SPAG1: variants seen among roughly 807,000 people sequenced by gnomAD.
SPAG1 encodes the protein sperm-associated antigen 1.
In SPAG1, 69 loss-of-function variants were observed where a neutral mutation model predicts 100.5. The ratio of observed to expected loss-of-function variants is 0.69; its 90% confidence interval spans 0.57 to 0.84. SPAG1 has a LOEUF of 0.84. Among genes scored for constraint, SPAG1 ranks in the 40% least tolerant of loss-of-function variants. SPAG1 has a pLI of 0.00. For synonymous variants in SPAG1, 336 were observed against 411.6 expected (o/e 0.82, Z 2.22); for missense variants, 955 against 1,133.1 (o/e 0.84, Z 2.26).
intron 12 of SPAG1, among the ~76,000 whole-genome samples, chr8:100,217,191 T>G (rs753808598): frequency 6.6e-6 from 1 of 152,082 alleles, no homozygotes; most frequent in African/African-American, 2.4e-5. Flanking sequence ...TCCACCTGGT[T>G]TGGCCTCCCA....
rs1363452918 is a variant in SPAG1 at position 100,196,696 on chromosome 8, A to G, written c.1096+2428A>G. ...AGGTTTTTCATTTTGTAGAAGTACA[A>G]TTTATCCAGTTTTTTTAATGGACTG... On this transcript the variant is annotated intron_variant, in intron 10 of 18. Transcript: ENST00000388798. 2.0e-5 allele frequency among the ~76,000 whole-genome samples: 3 copies of G among 152,020 alleles called. No individual in the cohort carries two copies. In the East Asian group the frequency reaches 5.8e-4, roughly 29 times the overall value.
intron 9 of SPAG1, among the ~76,000 whole-genome samples, chr8:100,192,109 T>C (rs2453661): frequency 0.33 from 50,085 of 151,938 alleles, 8,824 homozygotes; most frequent in East Asian, 0.51. Flanking sequence ...AGGGGTGACA[T>C]AGAGTGGCCC....
At chr8:100,228,475 G>A (rs1406344794) in intron 14 of SPAG1, among the ~76,000 whole-genome samples, 1 of 151,924 alleles carries the variant, frequency 6.6e-6, no homozygotes, top group Non-Finnish European at 1.5e-5. Context: ...CACTTTTGGA[G>A]GCTGAGGTGG....
intron 2 of SPAG1, among the ~76,000 whole-genome samples, chr8:100,163,794 C>CT (rs1169321974): frequency 2.0e-5 from 3 of 151,930 alleles, no homozygotes; most frequent in Non-Finnish European, 4.4e-5. Context: ...ATTGTTTTCC[C>CT]TTTTTTAGCA....
chr8:100,226,753 G>A (rs1213007091), intron 14 of SPAG1, among the ~76,000 whole-genome samples: 1 of 152,032 alleles, frequency 6.6e-6, no homozygotes, highest in Non-Finnish European at 1.5e-5. Flanking sequence ...CCCTGTATGT[G>A]ATGAGGCTAA....
intron 16 of SPAG1, among the ~76,000 whole-genome samples, chr8:100,238,020 A>C (rs370368685): frequency 3.3e-5 from 5 of 152,292 alleles, no homozygotes; most frequent in African/African-American, 1.2e-4. Context: ...ATAGAAGTTA[A>C]TATTTGTAGG....
At chr8:100,184,332 C>T (rs1816495000) in intron 6 of SPAG1, among the ~76,000 whole-genome samples, 1 of 151,738 alleles carries the variant, frequency 6.6e-6, no homozygotes, top group Non-Finnish European at 1.5e-5. Flanking sequence ...CTTTTTCCTC[C>T]AAATTCCTAA....
chr8:100,158,145 C>T (rs1475931340), upstream of SPAG1: 7 of 152,304 alleles, frequency 4.6e-5, no homozygotes, highest in African/African-American at 1.4e-4. Context: ...ACCTGCCGGC[C>T]GGGAATATAG....
intron 2 of SPAG1, among the ~76,000 whole-genome samples, chr8:100,164,644 C>T (rs1240537741): frequency 5.9e-5 from 9 of 152,098 alleles, no homozygotes; most frequent in Non-Finnish European, 1.0e-4. Context: ...AGGCTGTTCT[C>T]GAACACCTGA....
intron 13 of SPAG1, among the ~76,000 whole-genome samples, chr8:100,220,643 C>T (rs770893939): frequency 3.9e-5 from 6 of 152,076 alleles, no homozygotes; most frequent in Non-Finnish European, 7.3e-5. Flanking sequence ...CCTCTAATGC[C>T]TTTGTATTTG....
At chr8:100,171,921 G>A (rs1815873354) in intron 3 of SPAG1, among the ~76,000 whole-genome samples, 1 of 151,596 alleles carries the variant, frequency 6.6e-6, no homozygotes, top group Non-Finnish European at 1.5e-5. Context: ...CTGAGACGGA[G>A]TCTCGCTCTA....
chr8:100,219,341 A>G (rs994630698), intron 12 of SPAG1, among the ~76,000 whole-genome samples: 2 of 152,352 alleles, frequency 1.3e-5, no homozygotes, highest in Admixed American at 6.5e-5. Flanking sequence ...ACCATCTTCA[A>G]TGTGGACAGT....
chr8:100,218,476 T>A (rs1226107211), intron 12 of SPAG1, among the ~76,000 whole-genome samples: 2 of 152,198 alleles, frequency 1.3e-5, no homozygotes, highest in African/African-American at 4.8e-5. Flanking sequence ...GAGTTAATAT[T>A]ACCTAAACAT....
At chr8:100,212,333 T>G (rs913498659) in intron 10 of SPAG1, among the ~76,000 whole-genome samples, 4 of 152,246 alleles carry the variant, frequency 2.6e-5, no homozygotes. Context: ...TCTCTATATT[T>G]AAGTACTTTT....
chr8:100,170,841 A>ATTTTTTTT (rs1335427712), intron 3 of SPAG1, among the ~76,000 whole-genome samples: 1 of 90,972 alleles, frequency 1.1e-5, no homozygotes, highest in African/African-American at 3.7e-5. Context: ...TTATTTATTT[A>ATTTTTTTT]TTTATTTATT....
Position 100,213,388 on chromosome 8 carries a change from C to A in SPAG1, c.1395C>A (p.Ala465=). Residue 465 remains alanine (A), a synonymous_variant, in exon 11 of 19, where the codon GCC becomes GCA. Coordinates refer to ENST00000388798, the MANE Select transcript of SPAG1 (RefSeq NM_003114.5). ...GAAGCGGGCAGTTCGCCGAGGCGGC[C>A]GGCAAGTACTCGGCGGCAATCGCGC... ...LFRSGQFAEA[A]GKYSAAIALL... 2 of 1,450,740 alleles carry A rather than the reference C, an allele frequency of 1.4e-6. No homozygotes were observed. Among genetic ancestry groups the A allele is most frequent in the Non-Finnish European group, 1.8e-6 (2 of 1,100,080 alleles). The allele number at this position is 1,450,740 out of a possible 1,614,324, so 89.9% of individuals were successfully genotyped here. A position where few individuals can be genotyped will look rare whatever the true frequency, so the allele number is the denominator to read the frequency against.
intron 10 of SPAG1, among the ~76,000 whole-genome samples, chr8:100,201,655 G>A (rs1408418940): frequency 6.6e-6 from 1 of 152,054 alleles, no homozygotes; most frequent in Non-Finnish European, 1.5e-5. Flanking sequence ...TGAGGCTTCA[G>A]GAAACAATCT....
At chr8:100,221,071 TC>T (rs768228053) in intron 13 of SPAG1, among the ~76,000 whole-genome samples, 167 of 143,740 alleles carry the variant, frequency 1.2e-3, no homozygotes, top group South Asian at 5.5e-3. Context: ...AGATTCCAAC[TC>T]CAAAAAAAAA....
chr8:100,164,074 A>G (rs762891248), intron 2 of SPAG1, among the ~76,000 whole-genome samples: 30 of 152,348 alleles, frequency 2.0e-4, no homozygotes, highest in Non-Finnish European at 3.4e-4. Context: ...AAAGGAACAG[A>G]TGTCTCCATT....
Sources: gnomAD v4.1 joint callset for allele counts (sites outside exome capture counted in the v4.1 genomes callset) on GRCh38, gnomAD v4.1.1 for gene constraint, MANE v1.5 for transcripts, NCBI Gene and HGNC (gene_info 2026-07-23, HGNC 2026-07-21) for gene names.